ZNF131: variants seen among roughly 807,000 people sequenced by gnomAD.
The protein encoded by ZNF131 is zinc finger protein 131.
ZNF131 carries 7 observed loss-of-function variants against 60.0 expected under a neutral mutation model. The observed-to-expected ratio is 0.12, with a 90% CI of 0.07 to 0.22. The LOEUF is 0.22. Ranked by LOEUF, ZNF131 falls within the 10% of genes least tolerant of loss-of-function variation. The pLI is 1.00. For synonymous variants in ZNF131, 257 were observed against 253.2 expected, an observed-to-expected ratio of 1.01 and a Z score of -0.14; for missense variants, 493 against 740.9, an observed-to-expected ratio of 0.67 and a Z score of 3.88.
intron 3 of ZNF131, among the ~76,000 whole-genome samples, chr5:43,132,620 C>T (rs998685907): frequency 6.6e-6 from 1 of 150,988 alleles, no homozygotes; most frequent in Non-Finnish European, 1.5e-5. Flanking sequence ...AAGCGACTCT[C>T]CTGCCTCAGC....
chr5:43,132,862 G>T (rs941146188), intron 3 of ZNF131, among the ~76,000 whole-genome samples: 1 of 152,088 alleles, frequency 6.6e-6, no homozygotes, highest in Non-Finnish European at 1.5e-5. Context: ...ACACTTAAAT[G>T]ATATTCCACC....
chr5:43,170,800 T>C (rs1257818020), intron 5 of ZNF131, among the ~76,000 whole-genome samples: 1 of 20,264 alleles, frequency 4.9e-5, no homozygotes. Context: ...GCCCAGCTAA[T>C]TTTTTTTTTT....
rs1233682884 is a variant in ZNF131 at position 43,130,906 on chromosome 5, C to G, written c.226+7596C>G. Among the ~76,000 whole-genome samples the G allele has an allele frequency of 2.0e-5, 3 of 150,824 alleles. No homozygotes were observed. In the South Asian group the frequency reaches 6.3e-4, roughly 32 times the overall value. On this transcript the variant is annotated intron_variant, in intron 3 of 6. Transcript: ENST00000682664. ...TGAGATGGAGTCTCACTCTGCCACC[C>G]AGGCTGGAGTGCAGTGGCATGATCT...
At chr5:43,142,113 G>A (rs146865532) in intron 4 of ZNF131, among the ~76,000 whole-genome samples, 1,940 of 151,598 alleles carry the variant, frequency 0.013, 37 homozygotes, top group African/African-American at 0.045. Flanking sequence ...AGGCCGAGGC[G>A]GGTGGATCAC....
intron 4 of ZNF131, among the ~76,000 whole-genome samples, chr5:43,144,069 C>T (rs1434995738): frequency 1.3e-5 from 2 of 150,676 alleles, no homozygotes; most frequent in Admixed American, 6.6e-5. Context: ...ACTACAGGCA[C>T]TCGCCACCAC....
At chr5:43,159,746 A>G (rs540093789) in intron 4 of ZNF131, among the ~76,000 whole-genome samples, 4 of 151,454 alleles carry the variant, frequency 2.6e-5, no homozygotes, top group East Asian at 1.9e-4. Context: ...AAATGTTTGC[A>G]ACTATTTTCT....
intron 1 of ZNF131, 76 bp from the exon 2 acceptor site, chr5:43,121,963 T>G: frequency 6.9e-7 from 1 of 1,449,230 alleles, no homozygotes; most frequent in Non-Finnish European, 9.2e-7. Flanking sequence ...TTTTTTTTGT[T>G]GTTGTTTTAT....
intron 4 of ZNF131, among the ~76,000 whole-genome samples, chr5:43,157,238 C>T (rs947577456): frequency 1.3e-5 from 2 of 152,140 alleles, no homozygotes; most frequent in South Asian, 2.1e-4. Context: ...ACAGGAAGGA[C>T]GGAGCCCAAA....
Position 43,161,368 on chromosome 5 carries a change from A to G in ZNF131, c.491A>G (p.Glu164Gly), listed in dbSNP as rs778289038. The G allele has an allele frequency of 5.0e-6, 8 of 1,614,264 alleles. No individual in the cohort carries two copies. Among genetic ancestry groups the G allele is most frequent in the Middle Eastern group, 1.6e-4 (1 of 6,062 alleles). ...GAGTCATTGCCATCTGCAGAATCAG[A>G]ACCTGTTGAAATTGAGGTAGAGATT... is the stretch of plus-strand genomic sequence containing the variant. ...ITESLPSAES[E>G]PVEIEVEIAE... is the part of the protein sequence containing the mutation. The change falls in exon 5 of 7, where the codon GAA becomes GGA. Residue 164 changes from glutamate to glycine, a missense_variant. By Grantham distance (98) the Glu-to-Gly change is moderately conservative (BLOSUM62 -2). Coordinates refer to ENST00000682664, the MANE Select transcript of ZNF131 (RefSeq NM_001330707.2).
chr5:43,159,313 G>A (rs1485348504), intron 4 of ZNF131, among the ~76,000 whole-genome samples: 1 of 152,152 alleles, frequency 6.6e-6, no homozygotes. Flanking sequence ...TGAGGAAACT[G>A]AAGAGACTCA....
intron 6 of ZNF131, 132 bp downstream of exon 6, chr5:43,173,580 C>T: frequency 8.4e-7 from 1 of 1,186,092 alleles, no homozygotes. Context: ...GAATAAAGAA[C>T]ATTATTGTCT....
intron 5 of ZNF131, among the ~76,000 whole-genome samples, chr5:43,170,815 TTAG>T (rs1750892525): frequency 1.3e-5 from 2 of 149,178 alleles, no homozygotes; most frequent in Non-Finnish European, 3.0e-5. Context: ...TTTTTTTTTT[TTAG>T]TAGAGATGGG....
rs1240008765 is a variant in ZNF131, at chr5:43,137,168, G to C, written c.227-1997G>C. On this transcript the variant is annotated intron_variant, in intron 3 of 6. Transcript: ENST00000682664. The stretch of plus-strand genomic sequence containing the variant: ...TCATTCTTAGTAATTTCGTGGATGT[G>C]ACGTCAAAAGCACAGCCAACAACAG... Among the ~76,000 whole-genome samples, 3 of 152,268 alleles carry C rather than the reference G, an allele frequency of 2.0e-5. No individual in the cohort carries two copies. In the East Asian group the frequency reaches 5.8e-4, roughly 29 times the overall value.
intron 3 of ZNF131, among the ~76,000 whole-genome samples, chr5:43,128,603 G>C (rs537053283): frequency 6.9e-6 from 1 of 144,344 alleles, no homozygotes; most frequent in South Asian, 2.2e-4. Flanking sequence ...CTTGCAGTGA[G>C]CTGAGATGGC....
chr5:43,135,598 C>T (rs992611532), intron 3 of ZNF131, among the ~76,000 whole-genome samples: 27 of 151,482 alleles, frequency 1.8e-4, no homozygotes, highest in Admixed American at 2.0e-4. Flanking sequence ...GAAAAAAATA[C>T]AAAAATTAGC....
At chr5:43,134,896 C>G (rs1165285091) in intron 3 of ZNF131, among the ~76,000 whole-genome samples, 1 of 151,684 alleles carries the variant, frequency 6.6e-6, no homozygotes, top group Non-Finnish European at 1.5e-5. Flanking sequence ...TGAGGTTTCA[C>G]CATTTTGGCC....
rs374858964 is a variant in ZNF131 at position 43,123,292 on chromosome 5, C to G, written c.208C>G (p.Pro70Ala). ...YKFFQEFTQE[P>A]LVEIEGVSKM... ...ATTCTTTCAGGAGTTTACCCAAGAA[C>G]CATTGGTGGAGATAGAAGGTAAATG... The change falls in exon 3 of 7, where the codon CCA (proline) becomes GCA (alanine). Residue 70 changes from proline to alanine, a missense_variant. Coordinates refer to ENST00000682664, the MANE Select transcript of ZNF131 (RefSeq NM_001330707.2). 6.2e-7 allele frequency: 1 copy of G among 1,607,830 alleles called. No individual in the cohort carries two copies. The highest frequency in any genetic ancestry group is 8.5e-7 in the Non-Finnish European group (1 of 1,178,338).
intron 5 of ZNF131, chr5:43,168,021 C>A: frequency 2.3e-6 from 1 of 443,362 alleles, no homozygotes; most frequent in Non-Finnish European, 4.5e-6. Context: ...CCATGCAGGG[C>A]ATCACATGGT....
intron 4 of ZNF131, among the ~76,000 whole-genome samples, chr5:43,144,828 GTTCTT>G (rs1224889863): frequency 1.3e-5 from 2 of 151,612 alleles, no homozygotes; most frequent in Admixed American, 1.3e-4. Context: ...TTATGCATAT[GTTCTT>G]TTCATTTCTT....
Sources: allele counts gnomAD v4.1 joint callset (sites outside exome capture counted in the v4.1 genomes callset), GRCh38; gene constraint gnomAD v4.1.1; transcripts MANE v1.5; gene names NCBI Gene and HGNC (gene_info 2026-07-23, HGNC 2026-07-21).